The following PPIP5K1 variants were observed in gnomAD, a reference collection of about 807,000 sequenced individuals.
PPIP5K1 encodes inositol hexakisphosphate and diphosphoinositol-pentakisphosphate kinase 1.
In PPIP5K1, 6 loss-of-function variants were observed where a neutral mutation model predicts 27.7. That is an observed-to-expected ratio of 0.22 (90% CI 0.12 to 0.43). The LOEUF is 0.43. PPIP5K1 is among the 20% of genes least tolerant of loss of function. The probability of loss-of-function intolerance (pLI) is 1.00; values close to 1 mark genes in which losing one functional copy is unlikely to be tolerated. For synonymous variants in PPIP5K1, 145 were observed against 242.6 expected, an observed-to-expected ratio of 0.60 and a Z score of 3.74; for missense variants, 394 against 635.4, an observed-to-expected ratio of 0.62 and a Z score of 4.08.
At chr15:43,553,353 T>A (rs77250044) in intron 30 of PPIP5K1, among the ~76,000 whole-genome samples, 1 of 151,696 alleles carries the variant, frequency 6.6e-6, no homozygotes, top group Admixed American at 6.6e-5. Flanking sequence ...TTTTTTTTTT[T>A]AATAGAGACA....
rs150826145 is a variant in PPIP5K1, at chr15:43,558,517, C to T, written c.3556+278G>A. On this transcript the variant is annotated intron_variant, in intron 30 of 31. Transcript: ENST00000420765. ...CTGGGATTACAGGCATGAGCCACTG[C>T]GCCCGGCCTTATTTTTTTTCAGTAG... Among the ~76,000 whole-genome samples, 1,000 of 152,298 alleles carry T rather than the reference C, an allele frequency of 6.6e-3. 11 individuals are homozygous for T. Among genetic ancestry groups the T allele is most frequent in the Non-Finnish European group, 0.012 (849 of 68,026 alleles).
chr15:43,552,528 T>TAAAAAAAAAAAAAAAAAA (rs535937209), intron 30 of PPIP5K1, among the ~76,000 whole-genome samples: 9 of 69,348 alleles, frequency 1.3e-4, no homozygotes, highest in South Asian at 4.7e-4. Flanking sequence ...TCTGTCTCTA[T>TAAAAAAAAAAAAAAAAAA]AAAAAAAAAA....
chr15:43,543,895 G>T (rs1283647052), intron 30 of PPIP5K1, among the ~76,000 whole-genome samples: 2 of 151,418 alleles, frequency 1.3e-5, no homozygotes, highest in South Asian at 4.2e-4. Flanking sequence ...ACTGAATAAG[G>T]ATTACAATTA....
At chr15:43,543,744 C>A (rs1465329051) in intron 30 of PPIP5K1, among the ~76,000 whole-genome samples, 1 of 151,422 alleles carries the variant, frequency 6.6e-6, no homozygotes, top group East Asian at 1.9e-4. Context: ...TTTGAAAATC[C>A]TCGTTCCTAA....
intron 30 of PPIP5K1, among the ~76,000 whole-genome samples, chr15:43,556,527 T>A (rs1025976070): frequency 1.5e-5 from 2 of 130,040 alleles, no homozygotes; most frequent in Non-Finnish European, 1.5e-5. Flanking sequence ...GGTGACAGAA[T>A]GAAACTCCAT....
Position 43,558,822 on chromosome 15 carries a change from T to C in PPIP5K1, c.3529A>G (p.Thr1177Ala), listed in dbSNP as rs778342505. Reference sequence around the variant, plus strand: ...GCAGATGCCTGTGCCTGGGCATCAGTGTGGCGCTGGCAGACTCTACTCAAG... The same window carrying C: ...GCAGATGCCTGTGCCTGGGCATCAGCGTGGCGCTGGCAGACTCTACTCAAG... ...EFLSRVCQRHTDAQAQASAAL... is the reference protein window; with the variant it reads ...EFLSRVCQRHADAQAQASAAL... Residue 1177 changes from threonine to alanine, a missense_variant, in exon 30 of 32, where the codon ACT (threonine) becomes GCT (alanine). Transcript: ENST00000420765. 5.0e-6 allele frequency: 8 copies of C among 1,613,882 alleles called. No individual in the cohort carries two copies. In the Admixed American group the frequency reaches 1.3e-4, roughly 27 times the overall value.
chr15:43,546,487 A>C (rs2081382172), intron 30 of PPIP5K1, among the ~76,000 whole-genome samples: 1 of 151,906 alleles, frequency 6.6e-6, no homozygotes. Context: ...TATTTTGTAG[A>C]GATATGTTGT....
intron 30 of PPIP5K1, among the ~76,000 whole-genome samples, chr15:43,547,117 C>T (rs2081470010): frequency 6.6e-6 from 1 of 152,120 alleles, no homozygotes; most frequent in Admixed American, 6.6e-5. Context: ...AGTGGTATGT[C>T]ACTGTGGTTT....
chr15:43,551,804 C>T (rs931255329), intron 30 of PPIP5K1, among the ~76,000 whole-genome samples: 3 of 151,384 alleles, frequency 2.0e-5, no homozygotes, highest in African/African-American at 4.9e-5. Context: ...GGGGTTTCAC[C>T]GTTTTAGCCG....
intron 30 of PPIP5K1, among the ~76,000 whole-genome samples, chr15:43,554,620 T>TAC (rs757647925): frequency 0.16 from 20,540 of 129,888 alleles, 2,166 homozygotes; most frequent in African/African-American, 0.29. Flanking sequence ...ACACCTGGCA[T>TAC]ACACACACAC....
At position 43,558,853 on chromosome 15, in the gene PPIP5K1, A is replaced by G. The variant is rs1189807726; in HGVS notation, c.3498T>C (p.Ser1166=). ...GCTGGCAGACTCTACTCAAGAATTCACTCACTTGACGTAGGGAAAGGGCAT... is the reference window on the plus strand; with the variant it reads ...GCTGGCAGACTCTACTCAAGAATTCGCTCACTTGACGTAGGGAAAGGGCAT... ...LHNALSLRQV[S]EFLSRVCQRH... The change falls in exon 30 of 32, where the codon AGT becomes AGC. Residue 1166 remains serine (S), a synonymous_variant. Transcript: ENST00000420765. 1 of 1,614,006 alleles carries G rather than the reference A, an allele frequency of 6.2e-7. No homozygotes were observed. Among genetic ancestry groups the G allele is most frequent in the Admixed American group, 1.7e-5 (1 of 60,010 alleles).
At chr15:43,561,041 T>TCACTCAGAGTGTCAGA (rs761177637) in intron 28 of PPIP5K1, among the ~76,000 whole-genome samples, 1 of 121,990 alleles carries the variant, frequency 8.2e-6, no homozygotes, top group Non-Finnish European at 1.8e-5. Flanking sequence ...AATGAAAAAG[T>TCACTCAGAGTGTCAGA]GATGGTATTG....
At chr15:43,554,127 G>T (rs1172967523) in intron 30 of PPIP5K1, among the ~76,000 whole-genome samples, 1 of 152,148 alleles carries the variant, frequency 6.6e-6, no homozygotes, top group Non-Finnish European at 1.5e-5. Context: ...AACAGAGCAA[G>T]ACTCTGTCTC....
In PPIP5K1 at chr15:43,534,156, T is replaced by C. The variant is rs2079547029; in HGVS notation, c.*518A>G. On this transcript the variant is annotated 3_prime_UTR_variant, in exon 32 of 32. Transcript: ENST00000420765. ...AGCGTACCTTGAGAAGTCGTGAACATTTCCCCAGAAAAGTGAAGACCCTAG... is the reference window on the plus strand; with the variant it reads ...AGCGTACCTTGAGAAGTCGTGAACACTTCCCCAGAAAAGTGAAGACCCTAG... 1 of 153,002 alleles carries C rather than the reference T, an allele frequency of 6.5e-6. No homozygotes were observed. Among genetic ancestry groups the C allele is most frequent in the African/African-American group, 2.4e-5 (1 of 41,450 alleles). The allele number at this position is 153,002 out of a possible 1,614,324, so 9.5% of individuals were successfully genotyped here.
intron 30 of PPIP5K1, among the ~76,000 whole-genome samples, chr15:43,541,662 T>G (rs2080737226): frequency 6.6e-6 from 1 of 150,814 alleles, no homozygotes; most frequent in South Asian, 2.1e-4. Context: ...AGGCAGAGGT[T>G]GCAGTAAGCC....
At chr15:43,555,897 T>C (rs1188329802) in intron 30 of PPIP5K1, among the ~76,000 whole-genome samples, 1 of 152,232 alleles carries the variant, frequency 6.6e-6, no homozygotes, top group Non-Finnish European at 1.5e-5. Context: ...TGAGCCACCA[T>C]GCCTGGCCTT....
intron 10 of PPIP5K1, among the ~76,000 whole-genome samples, chr15:43,579,411 C>CACATACACGTATGTGTACAT: frequency 8.5e-6 from 1 of 117,164 alleles, no homozygotes. Context: ...CACACACACA[C>CACATACACGTATGTGTACAT]ACACACACAC....
At chr15:43,537,704 AAAAG>A (rs1299925242) in intron 31 of PPIP5K1, among the ~76,000 whole-genome samples, 20 of 134,822 alleles carry the variant, frequency 1.5e-4, no homozygotes, top group African/African-American at 2.6e-4. Flanking sequence ...AAAAAAAAAA[AAAAG>A]AGAGAGAGAG....
At position 43,559,034 on chromosome 15, in the gene PPIP5K1, G is replaced by A. The variant is rs564853098; in HGVS notation, c.3419-102C>T. On this transcript the variant is annotated intron_variant, in intron 29 of 31. Coordinates refer to ENST00000420765, the MANE Select transcript of PPIP5K1 (RefSeq NM_001394395.1). The stretch of plus-strand genomic sequence containing the variant: ...TCCCTGAGAGCCATCAGGAGAGTCC[G>A]TGGCTTTTGGAGTGTTGGGTATCCA... The A allele has an allele frequency of 6.3e-5, 91 of 1,445,642 alleles. No individual in the cohort carries two copies. The East Asian group carries it at 1.5e-3, about 24-fold the overall frequency. The allele number at this position is 1,445,642 out of a possible 1,614,324, so 89.6% of individuals were successfully genotyped here.
Sources: allele counts gnomAD v4.1 joint callset (sites outside exome capture counted in the v4.1 genomes callset), GRCh38; gene constraint gnomAD v4.1.1; transcripts MANE v1.5; gene names NCBI Gene and HGNC (gene_info 2026-07-23, HGNC 2026-07-21).